The following LINGO2 variants were observed in gnomAD, a reference collection of about 807,000 sequenced individuals.
LINGO2 encodes leucine rich repeat and Ig domain containing 2, also known as leucine-rich repeat and immunoglobulin-like domain-containing nogo receptor-interacting protein 2.
LINGO2 carries 14 observed loss-of-function variants against 30.6 expected under a neutral mutation model. That is an observed-to-expected ratio of 0.46 (90% confidence interval 0.30 to 0.72). The LOEUF (loss-of-function observed/expected upper bound fraction) is 0.72, where lower values mean the gene tolerates loss of function less well. Ranked by LOEUF, LINGO2 falls within the 30% of genes least tolerant of loss-of-function variation. The pLI, the probability that LINGO2 is intolerant of heterozygous loss-of-function variation, is 0.07. For synonymous variants in LINGO2, 317 were observed against 288.5 expected, an observed-to-expected ratio of 1.10 and a Z score of -1.00; for missense variants, 729 against 751.7, an observed-to-expected ratio of 0.97 and a Z score of 0.35.
At chr9:28,541,539 G>A (rs562762490) in intron 1 of LINGO2, among the ~76,000 whole-genome samples, 11 of 152,256 alleles carry the variant, frequency 7.2e-5, no homozygotes, top group East Asian at 3.9e-4. Context: ...GAAAACTTCC[G>A]ATGTGTGGCT....
intron 1 of LINGO2, among the ~76,000 whole-genome samples, chr9:28,591,948 T>C (rs1284664246): frequency 6.6e-6 from 1 of 151,988 alleles, no homozygotes; most frequent in Non-Finnish European, 1.5e-5. Flanking sequence ...GCAATCACAA[T>C]GGGCAGAAGC....
At chr9:27,978,368 G>C (rs187453645) in intron 5 of LINGO2, among the ~76,000 whole-genome samples, 4 of 152,160 alleles carry the variant, frequency 2.6e-5, no homozygotes, top group Admixed American at 2.6e-4. Flanking sequence ...TTGCATTACT[G>C]CAAAATTTAT....
the LINGO2 span, among the ~76,000 whole-genome samples, chr9:29,113,443 G>A: frequency 2.6e-5 from 4 of 152,080 alleles, no homozygotes; most frequent in East Asian, 7.7e-4. Context: ...GCCAGCAGGA[G>A]CAGACCATCC....
the LINGO2 span, among the ~76,000 whole-genome samples, chr9:28,726,434 G>T: frequency 6.6e-6 from 1 of 152,078 alleles, no homozygotes; most frequent in Non-Finnish European, 1.5e-5. Flanking sequence ...TCAGCAGAGA[G>T]CTCCTTGGAT....
chr9:29,068,128 A>C, the LINGO2 span, among the ~76,000 whole-genome samples: 1 of 151,864 alleles, frequency 6.6e-6, no homozygotes, highest in Non-Finnish European at 1.5e-5. Context: ...AAATATGAAC[A>C]AAGCCTCTAA....
the LINGO2 span, among the ~76,000 whole-genome samples, chr9:28,821,670 A>G: frequency 1.3e-5 from 2 of 152,204 alleles, no homozygotes; most frequent in Non-Finnish European, 2.9e-5. Context: ...TAAACTGGGT[A>G]TACTTGCTCT....
intron 4 of LINGO2, among the ~76,000 whole-genome samples, chr9:28,077,033 T>C (rs1587816036): frequency 3.3e-5 from 5 of 152,146 alleles, no homozygotes; most frequent in Admixed American, 2.6e-4. Flanking sequence ...TTTACCAACA[T>C]TTTGACGTGA....
rs1168825560 is a variant in LINGO2, at chr9:28,175,378, T to C, written c.-87+119830A>G. The stretch of plus-strand genomic sequence containing the variant: ...TCTCTCCAGAGAAGACCAGCCCCTC[T>C]TTCTTTTTCTCCTTCCAAAGCTCTC... On this transcript the variant is annotated intron_variant, in intron 4 of 5. Coordinates refer to ENST00000379992, the Ensembl canonical transcript of LINGO2. Among the ~76,000 whole-genome samples, 4 of 152,192 alleles carry C rather than the reference T, an allele frequency of 2.6e-5. No homozygotes were observed. In the South Asian group the frequency reaches 8.3e-4, roughly 32 times the overall value.
chr9:28,312,042 G>A (rs1454486520), intron 3 of LINGO2, among the ~76,000 whole-genome samples: 1 of 152,028 alleles, frequency 6.6e-6, no homozygotes, highest in African/African-American at 2.4e-5. Context: ...TCCGTTCGGG[G>A]TCCCTGACTT....
chr9:28,954,927 C>T, the LINGO2 span, among the ~76,000 whole-genome samples: 1 of 152,112 alleles, frequency 6.6e-6, no homozygotes, highest in Non-Finnish European at 1.5e-5. Context: ...AACTGCCCTG[C>T]TCATAATTGC....
the LINGO2 span, among the ~76,000 whole-genome samples, chr9:29,029,904 C>T: frequency 6.6e-6 from 1 of 151,634 alleles, no homozygotes; most frequent in South Asian, 2.1e-4. Context: ...ACATTCCACG[C>T]TCATTTCACA....
the LINGO2 span, among the ~76,000 whole-genome samples, chr9:29,099,341 C>T: frequency 0.24 from 35,742 of 151,790 alleles, 4,291 homozygotes; most frequent in East Asian, 0.41. Context: ...TCTTGAGCGA[C>T]ATCCCACAGA....
chr9:29,037,902 A>G, the LINGO2 span, among the ~76,000 whole-genome samples: 1 of 152,074 alleles, frequency 6.6e-6, no homozygotes, highest in African/African-American at 2.4e-5. Flanking sequence ...CTATGCAAAT[A>G]TTAGCTCTTG....
At chr9:28,504,381 A>G (rs1005738611) in intron 1 of LINGO2, among the ~76,000 whole-genome samples, 5 of 151,850 alleles carry the variant, frequency 3.3e-5, no homozygotes, top group Non-Finnish European at 7.4e-5. Flanking sequence ...TCAACTTGTC[A>G]TGGTATATAA....
At chr9:28,199,212 G>T (rs933548777) in intron 4 of LINGO2, among the ~76,000 whole-genome samples, 1 of 152,018 alleles carries the variant, frequency 6.6e-6, no homozygotes, top group Non-Finnish European at 1.5e-5. Context: ...CACATTGCCT[G>T]GTGCATAGTA....
chr9:28,361,499 CCTATT>C (rs1820442378), intron 3 of LINGO2, among the ~76,000 whole-genome samples: 1 of 151,922 alleles, frequency 6.6e-6, no homozygotes, highest in South Asian at 2.1e-4. Context: ...CTTATTCTAT[CCTATT>C]CTATTTCATT....
At chr9:28,041,807 T>A (rs979386187) in intron 4 of LINGO2, among the ~76,000 whole-genome samples, 1 of 152,184 alleles carries the variant, frequency 6.6e-6, no homozygotes, top group East Asian at 1.9e-4. Context: ...AACATACAAA[T>A]TTATAGTTAT....
chr9:28,760,937 T>C, the LINGO2 span, among the ~76,000 whole-genome samples: 31 of 28,366 alleles, frequency 1.1e-3, no homozygotes, highest in East Asian at 0.036. Context: ...TGTGTGTATA[T>C]ATATATATAC....
At chr9:28,345,757 G>A (rs550021478) in intron 3 of LINGO2, among the ~76,000 whole-genome samples, 53 of 152,232 alleles carry the variant, frequency 3.5e-4, no homozygotes, top group Non-Finnish European at 5.3e-4. Flanking sequence ...GCCTACACAC[G>A]TGGCTCATTA....
Sources: allele counts gnomAD v4.1 joint callset (sites outside exome capture counted in the v4.1 genomes callset), GRCh38; gene constraint gnomAD v4.1.1; transcripts MANE v1.5; gene names NCBI Gene and HGNC (gene_info 2026-07-23, HGNC 2026-07-21).